The following GRIK2 variants were observed in gnomAD, a reference collection of about 807,000 sequenced individuals.
The protein encoded by GRIK2 is glutamate receptor ionotropic, kainate 2.
GRIK2 carries 32 observed loss-of-function variants against 100.3 expected under a neutral mutation model. The ratio of observed to expected loss-of-function variants is 0.32; its 90% CI spans 0.24 to 0.43. The LOEUF is 0.43. Among genes scored for constraint, GRIK2 ranks in the 20% least tolerant of loss-of-function variants. The pLI is 1.00. For synonymous variants in GRIK2, 417 were observed against 389.4 expected, an observed-to-expected ratio of 1.07 and a Z score of -0.83; for missense variants, 843 against 1,114.9, an observed-to-expected ratio of 0.76 and a Z score of 3.47.
At chr6:101,895,627 T>C (rs1399935865) in intron 12 of GRIK2, among the ~76,000 whole-genome samples, 4 of 151,756 alleles carry the variant, frequency 2.6e-5, no homozygotes, top group Non-Finnish European at 5.9e-5. Context: ...GTTAAACTAA[T>C]CCGCTGTCAA....
chr6:101,663,172 G>A (rs1413619993), intron 4 of GRIK2, among the ~76,000 whole-genome samples: 1 of 152,126 alleles, frequency 6.6e-6, no homozygotes, highest in East Asian at 1.9e-4. Flanking sequence ...GATGTATTAA[G>A]TGCCAGTATA....
At chr6:101,581,931 C>T (rs1210164525) in intron 2 of GRIK2, among the ~76,000 whole-genome samples, 1 of 151,990 alleles carries the variant, frequency 6.6e-6, no homozygotes, top group Non-Finnish European at 1.5e-5. Context: ...CCAAATCTCA[C>T]CTTGAATTAT....
At chr6:101,813,962 CAAA>C (rs60375013) in intron 9 of GRIK2, among the ~76,000 whole-genome samples, 3 of 123,052 alleles carry the variant, frequency 2.4e-5, no homozygotes, top group Admixed American at 8.5e-5. Context: ...AGCTCCATCT[CAAA>C]AAAAAAAAAA....
chr6:101,421,447 G>T (rs1776407855), intron 2 of GRIK2, among the ~76,000 whole-genome samples: 1 of 152,166 alleles, frequency 6.6e-6, no homozygotes, highest in African/African-American at 2.4e-5. Flanking sequence ...CCAGTTGTCT[G>T]CGTCTCCCCA....
chr6:101,562,128 G>A (rs1393707539), intron 2 of GRIK2, among the ~76,000 whole-genome samples: 1 of 152,032 alleles, frequency 6.6e-6, no homozygotes, highest in Non-Finnish European at 1.5e-5. Context: ...TGTGAAAAGG[G>A]GGGAAATCTA....
chr6:101,676,990 TG>T (rs1274855022), intron 5 of GRIK2, among the ~76,000 whole-genome samples, 186 bp downstream of exon 5: 3 of 152,164 alleles, frequency 2.0e-5, no homozygotes, highest in African/African-American at 4.8e-5. Flanking sequence ...TAAACATTGA[TG>T]ATCTTCAAAA....
intron 5 of GRIK2, 112 bp from the exon 6 acceptor site, chr6:101,682,436 CATGAA>C (rs1771341888): frequency 1.5e-6 from 1 of 664,980 alleles, no homozygotes; most frequent in Non-Finnish European, 2.7e-6. Context: ...TTGTATGTAA[CATGAA>C]TATTGTAGGT....
chr6:101,934,346 T>C (rs980517672), intron 14 of GRIK2, among the ~76,000 whole-genome samples: 11 of 151,920 alleles, frequency 7.2e-5, no homozygotes, highest in Non-Finnish European at 1.5e-5. Context: ...CCTTACAGCA[T>C]TGGGGCAGAT....
At chr6:101,933,101 G>A (rs938561075) in intron 14 of GRIK2, among the ~76,000 whole-genome samples, 4 of 151,948 alleles carry the variant, frequency 2.6e-5, no homozygotes, top group Non-Finnish European at 5.9e-5. Flanking sequence ...GTATTGCCTT[G>A]ACTTTTTTAG....
intron 10 of GRIK2, among the ~76,000 whole-genome samples, chr6:101,846,707 A>T (rs1783830236): frequency 6.6e-6 from 1 of 152,010 alleles, no homozygotes; most frequent in Admixed American, 6.6e-5. Context: ...AGATATATTC[A>T]GATTTTTATT....
intron 10 of GRIK2, among the ~76,000 whole-genome samples, chr6:101,836,730 A>T (rs1783144916): frequency 8.1e-6 from 1 of 123,944 alleles, no homozygotes; most frequent in Non-Finnish European, 1.6e-5. Flanking sequence ...CAGTGGTGTG[A>T]TCTTGGCTCA....
chr6:101,939,974 A>G (rs1790858516), intron 14 of GRIK2, among the ~76,000 whole-genome samples: 1 of 152,046 alleles, frequency 6.6e-6, no homozygotes. Flanking sequence ...GATGCCCCCA[A>G]TTTGGTGGTG....
In GRIK2 at chr6:101,453,240, TC is replaced by T. The variant is rs1271172761; in HGVS notation, c.115+53849del. 2.6e-5 allele frequency among the ~76,000 whole-genome samples: 4 copies of T among 151,892 alleles called. No homozygotes were observed. The East Asian group carries it at 7.7e-4, about 29-fold the overall frequency. On this transcript the variant is annotated intron_variant, in intron 2 of 16. Coordinates refer to ENST00000369134, the MANE Select transcript of GRIK2 (RefSeq NM_021956.5). ...TTCCGTTCCCAGTAGTTTCTTTTTTTCATTCATCTTCAGATTTATCCATCCC... is the reference window on the plus strand; with the variant it reads ...TTCCGTTCCCAGTAGTTTCTTTTTTTATTCATCTTCAGATTTATCCATCCC...
chr6:101,455,668 A>G (rs1770965045), intron 2 of GRIK2, among the ~76,000 whole-genome samples: 1 of 152,110 alleles, frequency 6.6e-6, no homozygotes, highest in Admixed American at 6.6e-5. Context: ...ATTTAGTGGT[A>G]CATTTACTTG....
chr6:101,562,592 C>T (rs991539346), intron 2 of GRIK2, among the ~76,000 whole-genome samples: 1 of 152,084 alleles, frequency 6.6e-6, no homozygotes, highest in Non-Finnish European at 1.5e-5. Flanking sequence ...ATCCGCCTGC[C>T]TCGGCCTCCC....
intron 2 of GRIK2, among the ~76,000 whole-genome samples, chr6:101,473,256 A>T (rs779249394): frequency 1.3e-5 from 2 of 150,930 alleles, no homozygotes; most frequent in African/African-American, 4.9e-5. Flanking sequence ...ATGGTACACT[A>T]CTTTAAAAAT....
chr6:101,397,984 A>G (rs1775081887), intron 1 of GRIK2, among the ~76,000 whole-genome samples: 1 of 152,040 alleles, frequency 6.6e-6, no homozygotes, highest in African/African-American at 2.4e-5. Context: ...ATGTATTTTT[A>G]TGTTGAAAGA....
At chr6:101,867,692 A>G (rs1785138557) in intron 11 of GRIK2, among the ~76,000 whole-genome samples, 1 of 151,634 alleles carries the variant, frequency 6.6e-6, no homozygotes, top group South Asian at 2.1e-4. Flanking sequence ...TTTTTCTTTC[A>G]GTACTAATAT....
chr6:101,522,640 A>C lies in GRIK2; in HGVS notation c.116-99309A>C, dbSNP rs1431102750. Among the ~76,000 whole-genome samples the C allele has an allele frequency of 5.3e-5, 8 of 152,276 alleles. No homozygotes were observed. The East Asian group carries it at 1.5e-3, about 29-fold the overall frequency. ...AAGAAGAAGAAGGTTGGTGGGCATTAGTCATGTCCACTAAACCTTGCATAA... is the reference window on the plus strand; with the variant it reads ...AAGAAGAAGAAGGTTGGTGGGCATTCGTCATGTCCACTAAACCTTGCATAA... On this transcript the variant is annotated intron_variant, in intron 2 of 16. Coordinates refer to ENST00000369134, the MANE Select transcript of GRIK2 (RefSeq NM_021956.5).
Sources: gnomAD v4.1 joint callset for allele counts (sites outside exome capture counted in the v4.1 genomes callset) on GRCh38, gnomAD v4.1.1 for gene constraint, MANE v1.5 for transcripts, NCBI Gene and HGNC (gene_info 2026-07-23, HGNC 2026-07-21) for gene names.